Variants in NTRK2 observed in about 807,000 individuals in gnomAD.
The protein encoded by NTRK2 is neurotrophic receptor tyrosine kinase 2.
Under a neutral mutation model 94.5 loss-of-function variants are expected in NTRK2, and 13 were observed. The ratio of observed to expected loss-of-function variants is 0.14; its 90% confidence interval spans 0.09 to 0.22. NTRK2 has a LOEUF of 0.22. Ranked by LOEUF, NTRK2 falls within the 10% of genes least tolerant of loss-of-function variation. The probability of loss-of-function intolerance (pLI) is 1.00; values close to 1 mark genes in which losing one functional copy is unlikely to be tolerated. For missense variants in NTRK2, 639 were observed against 1,071.2 expected, an observed-to-expected ratio of 0.60 and a Z score of 5.63; for synonymous variants, 372 against 407.4, an observed-to-expected ratio of 0.91 and a Z score of 1.05.
intron 12 of NTRK2, among the ~76,000 whole-genome samples, chr9:84,762,657 T>C (rs1328388579): frequency 6.6e-6 from 1 of 152,192 alleles, no homozygotes; most frequent in African/African-American, 2.4e-5. Context: ...GACACCTATC[T>C]CAGGCACAAC....
intron 12 of NTRK2, among the ~76,000 whole-genome samples, chr9:84,850,447 T>A (rs763000203): frequency 3.9e-5 from 6 of 152,272 alleles, no homozygotes; most frequent in Non-Finnish European, 7.3e-5. Flanking sequence ...AATCTTAAGG[T>A]GAAATTAAGG....
chr9:84,877,133 T>G (rs2076096093), intron 14 of NTRK2: 1 of 1,065,018 alleles, frequency 9.4e-7, no homozygotes, highest in African/African-American at 1.6e-5. Context: ...GTGTATATGC[T>G]CTGCCACTTC....
chr9:84,674,967 C>T (rs1587847163), intron 2 of NTRK2, among the ~76,000 whole-genome samples: 1 of 152,180 alleles, frequency 6.6e-6, no homozygotes, highest in East Asian at 1.9e-4. Flanking sequence ...TATGGGAATT[C>T]AGAATGCTGG....
chr9:84,743,549 T>C (rs1463443762), intron 10 of NTRK2, among the ~76,000 whole-genome samples: 1 of 152,226 alleles, frequency 6.6e-6, no homozygotes, highest in East Asian at 1.9e-4. Flanking sequence ...GTATTTGTCT[T>C]GATATGGTTT....
At chr9:84,882,143 G>A (rs1348765884) in intron 14 of NTRK2, among the ~76,000 whole-genome samples, 1 of 151,964 alleles carries the variant, frequency 6.6e-6, no homozygotes, top group Non-Finnish European at 1.5e-5. Context: ...CACTGAATTC[G>A]TGCCCGTCTC....
At chr9:84,939,051 C>CAAAAAAAAAAAAAAAAAAAAAAAAA (rs138558531) in intron 15 of NTRK2, among the ~76,000 whole-genome samples, 6 of 68,426 alleles carry the variant, frequency 8.8e-5, no homozygotes, top group South Asian at 7.2e-4. Flanking sequence ...GACCCCAACT[C>CAAAAAAAAAAAAAAAAAAAAAAAAA]AAAAAAAAAA....
At chr9:84,718,588 C>G (rs755177998) in intron 6 of NTRK2, among the ~76,000 whole-genome samples, 1 of 152,194 alleles carries the variant, frequency 6.6e-6, no homozygotes, top group Non-Finnish European at 1.5e-5. Context: ...GCCTGAGAAG[C>G]TGGTCATCTC....
intron 12 of NTRK2, among the ~76,000 whole-genome samples, chr9:84,797,716 ATATATAT>A (rs1437074739): frequency 2.6e-5 from 2 of 77,606 alleles, no homozygotes; most frequent in African/African-American, 1.1e-4. Context: ...CTATAATAAT[ATATATAT>A]TATATATTAT....
intron 17 of NTRK2, among the ~76,000 whole-genome samples, chr9:84,980,795 T>G (rs1476521947): frequency 6.6e-6 from 1 of 152,250 alleles, no homozygotes; most frequent in Non-Finnish European, 1.5e-5. Context: ...ATGTCCAAAA[T>G]GGAGCGCGTA....
chr9:84,919,592 T>C (rs1456125499), intron 14 of NTRK2, among the ~76,000 whole-genome samples: 1 of 152,212 alleles, frequency 6.6e-6, no homozygotes, highest in Non-Finnish European at 1.5e-5. Flanking sequence ...CACCGAGTCA[T>C]TTTAATGCTC....
chr9:84,992,800 T>C (rs1009830407), intron 17 of NTRK2, among the ~76,000 whole-genome samples: 2 of 152,138 alleles, frequency 1.3e-5, no homozygotes, highest in African/African-American at 4.8e-5. Context: ...ACTATGCTTA[T>C]ATATGTTACC....
intron 12 of NTRK2, among the ~76,000 whole-genome samples, chr9:84,765,205 A>G (rs1241703690): frequency 6.6e-6 from 1 of 152,160 alleles, no homozygotes; most frequent in Non-Finnish European, 1.5e-5. Context: ...AAAGAGTTTA[A>G]TTGGATTGTT....
chr9:84,896,923 A>G (rs2076774362), intron 14 of NTRK2, among the ~76,000 whole-genome samples: 1 of 152,164 alleles, frequency 6.6e-6, no homozygotes, highest in Non-Finnish European at 1.5e-5. Context: ...AGTAGGCATA[A>G]TTTGGGGAGG....
At chr9:84,921,923 A>T (rs956623508) in intron 14 of NTRK2, among the ~76,000 whole-genome samples, 11 of 152,224 alleles carry the variant, frequency 7.2e-5, no homozygotes, top group African/African-American at 2.4e-4. Flanking sequence ...GATTGTGGAA[A>T]GGAACAATTT....
chr9:84,917,999 G>A (rs910089442), intron 14 of NTRK2, among the ~76,000 whole-genome samples: 1 of 152,196 alleles, frequency 6.6e-6, no homozygotes, highest in Non-Finnish European at 1.5e-5. Context: ...GAAATCAAGA[G>A]AGAATGGAAA....
intron 17 of NTRK2, among the ~76,000 whole-genome samples, chr9:85,002,769 A>G (rs541663011): frequency 2.6e-5 from 4 of 152,358 alleles, no homozygotes; most frequent in African/African-American, 9.6e-5. Context: ...CCCCTGAAGC[A>G]AAGAGGATGG....
chr9:84,676,461 G>A (rs960957424), intron 2 of NTRK2, among the ~76,000 whole-genome samples: 36 of 152,198 alleles, frequency 2.4e-4, no homozygotes, highest in African/African-American at 8.7e-4. Context: ...GTACTGGTCT[G>A]ATGAGTCCAA....
chr9:84,707,344 T>G (rs1025923767), intron 4 of NTRK2, among the ~76,000 whole-genome samples: 1 of 149,950 alleles, frequency 6.7e-6, no homozygotes, highest in African/African-American at 2.5e-5. Context: ...CTCAGTAGAG[T>G]TTTTTTTATC....
chr9:84,951,301 A>T (rs1336738595), intron 16 of NTRK2, among the ~76,000 whole-genome samples: 1 of 152,216 alleles, frequency 6.6e-6, no homozygotes, highest in African/African-American at 2.4e-5. Context: ...TGTAAGTGAT[A>T]GGACAGGGGA....
Sources: gnomAD v4.1 joint callset for allele counts (sites outside exome capture counted in the v4.1 genomes callset) on GRCh38, gnomAD v4.1.1 for gene constraint, MANE v1.5 for transcripts, NCBI Gene and HGNC (gene_info 2026-07-23, HGNC 2026-07-21) for gene names.